SLC28A1: variants seen among roughly 807,000 people sequenced by gnomAD.
The protein encoded by SLC28A1 is sodium/nucleoside cotransporter 1.
Under a neutral mutation model 74.8 loss-of-function variants are expected in SLC28A1, and 64 were observed. The observed-to-expected ratio is 0.86, with a 90% CI of 0.70 to 1.05. The LOEUF (loss-of-function observed/expected upper bound fraction) is 1.05, where lower values mean the gene tolerates loss of function less well. Among genes scored for constraint, SLC28A1 ranks in the 50% least tolerant of loss-of-function variants. The pLI, the probability that SLC28A1 is intolerant of heterozygous loss-of-function variation, is 0.00. For synonymous variants in SLC28A1, 359 were observed against 335.0 expected (o/e 1.07, Z -0.78); for missense variants, 828 against 822.8 (o/e 1.01, Z -0.08).
the SLC28A1 span, among the ~76,000 whole-genome samples, chr15:84,973,224 T>C: frequency 8.5e-5 from 13 of 152,214 alleles, no homozygotes; most frequent in Non-Finnish European, 1.5e-4. Flanking sequence ...CTGCCTGGAA[T>C]GTTCTTTCCC....
Position 84,925,076 on chromosome 15 carries a change from T to TG in SLC28A1, c.1083+966_1083+967insG, listed in dbSNP as rs1402898157. Among the ~76,000 whole-genome samples, 259 of 130,870 alleles carry TG rather than the reference T, an allele frequency of 2.0e-3. 1 individual carries two copies. Among genetic ancestry groups the TG allele is most frequent in the African/African-American group, 7.1e-3 (248 of 34,758 alleles). The allele number at this position is 130,870 out of a possible 152,430, so 85.9% of individuals were successfully genotyped here. A position where few individuals can be genotyped will look rare whatever the true frequency, so the allele number is the denominator to read the frequency against. On this transcript the variant is annotated intron_variant, in intron 12 of 18. Transcript: ENST00000394573. ...CCACCGCGCCCAGCTAGTTTTTTTT[T>TG]TTTTTTTTTTTTTTTTGTATTTTTA...
the SLC28A1 span, among the ~76,000 whole-genome samples, chr15:84,960,681 G>A: frequency 6.6e-6 from 1 of 152,144 alleles, no homozygotes; most frequent in Non-Finnish European, 1.5e-5. Context: ...TTTCAACTCC[G>A]CTTCCTGTTT....
intron 12 of SLC28A1, among the ~76,000 whole-genome samples, chr15:84,928,595 T>TCTCTCTTTCC (rs1567172558): frequency 6.6e-5 from 1 of 15,186 alleles, no homozygotes; most frequent in Admixed American, 5.4e-4. Context: ...TCTTTCTTTC[T>TCTCTCTTTCC]TTCTTTCTTT....
chr15:84,919,314 A>T (rs1204307033), intron 10 of SLC28A1, among the ~76,000 whole-genome samples: 1 of 152,246 alleles, frequency 6.6e-6, no homozygotes, highest in Non-Finnish European at 1.5e-5. Context: ...TTGGCAAAAG[A>T]TTCCAAGGTT....
At chr15:84,904,805 ATGTGTACTAAATTCTG>A in intron 7 of SLC28A1, among the ~76,000 whole-genome samples, 1 of 77,524 alleles carries the variant, frequency 1.3e-5, no homozygotes, top group Non-Finnish European at 2.8e-5. Context: ...CTAAATTCTG[ATGTGTACTAAATTCTG>A]ATGTACACTC....
downstream of SLC28A1, among the ~76,000 whole-genome samples, chr15:84,948,381 T>C (rs2079303653): frequency 6.6e-6 from 1 of 152,168 alleles, no homozygotes; most frequent in African/African-American, 2.4e-5. Context: ...ACCCACTGTA[T>C]GGATGGCCTC....
intron 9 of SLC28A1, among the ~76,000 whole-genome samples, chr15:84,912,804 G>GCGCGTGCGCGCGCGCGCGCA: frequency 3.4e-5 from 2 of 58,706 alleles, no homozygotes; most frequent in African/African-American, 1.0e-4. Flanking sequence ...TTTTGCGCGC[G>GCGCGTGCGCGCGCGCGCGCA]CGCACACACA....
chr15:84,903,364 C>T (rs1193003845), intron 6 of SLC28A1, among the ~76,000 whole-genome samples: 1 of 152,214 alleles, frequency 6.6e-6, no homozygotes. Context: ...CCTCAGTTTC[C>T]TCATCTCTAT....
chr15:84,923,433 A>G (rs893541603), intron 11 of SLC28A1, among the ~76,000 whole-genome samples: 2 of 152,082 alleles, frequency 1.3e-5, no homozygotes, highest in African/African-American at 4.8e-5. Context: ...TTCCTATTCT[A>G]TATAACAGTG....
intron 9 of SLC28A1, among the ~76,000 whole-genome samples, chr15:84,916,245 T>G (rs1969089814): frequency 1.2e-5 from 1 of 84,298 alleles, no homozygotes; most frequent in Non-Finnish European, 2.3e-5. Context: ...GATTACTTTT[T>G]TTTTTTTTTT....
chr15:84,917,064 T>G (rs1223113122), intron 9 of SLC28A1, among the ~76,000 whole-genome samples: 1 of 147,368 alleles, frequency 6.8e-6, no homozygotes, highest in South Asian at 2.2e-4. Context: ...TAGGAACAGA[T>G]GAGAAATTCA....
chr15:84,888,003 A>C (rs772069855), intron 3 of SLC28A1, 147 bp downstream of exon 3: 77 of 675,658 alleles, frequency 1.1e-4, no homozygotes, highest in Non-Finnish European at 2.0e-4. Flanking sequence ...CACAGTTATG[A>C]ACCTCCCAGT....
downstream of SLC28A1, among the ~76,000 whole-genome samples, chr15:84,946,090 A>G (rs1337079862): frequency 0.041 from 483 of 11,732 alleles, 13 homozygotes; most frequent in African/African-American, 0.12. Context: ...ATGTTCATAT[A>G]TATATATATA....
chr15:84,888,654 G>C, intron 3 of SLC28A1, 118 bp from the exon 4 acceptor site: 2 of 713,966 alleles, frequency 2.8e-6, no homozygotes, highest in South Asian at 3.0e-5. Context: ...ATTCCTCCCT[G>C]TGCCCCAGCC....
intron 5 of SLC28A1, among the ~76,000 whole-genome samples, chr15:84,894,309 T>C (rs111538117): frequency 0.03 from 4,477 of 150,800 alleles, 214 homozygotes; most frequent in African/African-American, 0.1. Flanking sequence ...GAGGCAGAGT[T>C]TGCAGTCAGC....
chr15:84,969,805 C>CA, the SLC28A1 span, among the ~76,000 whole-genome samples: 1 of 152,108 alleles, frequency 6.6e-6, no homozygotes, highest in South Asian at 2.1e-4. Flanking sequence ...TGCAGGATCC[C>CA]AGGGGTCCTG....
chr15:84,972,346 G>T, the SLC28A1 span, among the ~76,000 whole-genome samples: 1 of 152,208 alleles, frequency 6.6e-6, no homozygotes, highest in African/African-American at 2.4e-5. Context: ...GCCTGGGTTT[G>T]GGTCTTCACC....
the SLC28A1 span, among the ~76,000 whole-genome samples, chr15:84,972,214 A>G: frequency 1.3e-5 from 2 of 152,202 alleles, no homozygotes; most frequent in Non-Finnish European, 2.9e-5. Context: ...GCCAGACCCA[A>G]TTAAAAACCA....
At chr15:84,951,452 AAG>A in the SLC28A1 span, among the ~76,000 whole-genome samples, 3 of 150,188 alleles carry the variant, frequency 2.0e-5, no homozygotes, top group African/African-American at 7.3e-5. Flanking sequence ...AAAAAAAAAA[AAG>A]AAGGAGTCTG....
Sources: gnomAD v4.1 joint callset for allele counts (sites outside exome capture counted in the v4.1 genomes callset) on GRCh38, gnomAD v4.1.1 for gene constraint, MANE v1.5 for transcripts, NCBI Gene and HGNC (gene_info 2026-07-23, HGNC 2026-07-21) for gene names.